The following XRCC6 variants were observed in gnomAD, a reference collection of about 807,000 sequenced individuals.
XRCC6 encodes X-ray repair cross complementing 6, also known as DNA repair protein Ku70.
XRCC6 carries 5 observed loss-of-function variants against 65.7 expected under a neutral mutation model. The ratio of observed to expected loss-of-function variants is 0.08; its 90% CI spans 0.04 to 0.16. XRCC6 has a LOEUF of 0.16. Among genes scored for constraint, XRCC6 ranks in the 10% least tolerant of loss-of-function variants. XRCC6 has a pLI of 1.00. For missense variants in XRCC6, 447 were observed against 738.1 expected (o/e 0.61, Z 4.57); for synonymous variants, 270 against 270.6 (o/e 1.00, Z 0.02).
chr22:41,653,078 G>T (rs962181020), intron 8 of XRCC6, among the ~76,000 whole-genome samples: 7 of 151,966 alleles, frequency 4.6e-5, no homozygotes, highest in Admixed American at 4.6e-4. Flanking sequence ...TCAGCTGTGG[G>T]GTCCTCCAAC....
rs28741112 is a variant in XRCC6 at position 41,627,942 on chromosome 22, G to C, written c.83-176G>C. 7.1e-4 allele frequency among the ~76,000 whole-genome samples: 108 copies of C among 152,224 alleles called. 1 individual carries two copies. The highest frequency in any genetic ancestry group is 2.6e-3 in the African/African-American group (108 of 41,528). On this transcript the variant is annotated intron_variant, in intron 2 of 12. Transcript: ENST00000360079. Reference sequence around the variant, plus strand: ...GTTGTAATTGGGAGGGAATGTAAGAGGGATTTCTGGGGTGTCTGGCAAGAC... The same window carrying C: ...GTTGTAATTGGGAGGGAATGTAAGACGGATTTCTGGGGTGTCTGGCAAGAC...
At position 41,624,723 on chromosome 22, in the gene XRCC6, C is replaced by T. The variant is rs192086585; in HGVS notation, c.82+2637C>T. Among the ~76,000 whole-genome samples the T allele has an allele frequency of 4.8e-3, 714 of 149,478 alleles. 3 individuals are homozygous for T. Among genetic ancestry groups the T allele is most frequent in the African/African-American group, 0.017 (679 of 40,506 alleles). ...TAATAAAATAAAAAATAAGGCCGGG[C>T]GCGGTGGCTCACACCTGTAATCCCA... is the stretch of plus-strand genomic sequence containing the variant. On this transcript the variant is annotated intron_variant, in intron 2 of 12. Coordinates refer to ENST00000360079, the MANE Select transcript of XRCC6 (RefSeq NM_001469.5).
chr22:41,644,138 C>A (rs1188185735), intron 6 of XRCC6, among the ~76,000 whole-genome samples: 1 of 152,132 alleles, frequency 6.6e-6, no homozygotes, highest in East Asian at 1.9e-4. Flanking sequence ...CAGAGCAAGA[C>A]CCTGTCTCCA....
intron 9 of XRCC6, 89 bp from the exon 10 acceptor site, chr22:41,656,814 C>T (rs1388915759): frequency 1.9e-6 from 3 of 1,585,600 alleles, no homozygotes; most frequent in Non-Finnish European, 2.6e-6. Context: ...CCCAGCACCA[C>T]AGGACATAAA....
intron 6 of XRCC6, among the ~76,000 whole-genome samples, chr22:41,643,240 C>T (rs1191583346): frequency 6.6e-6 from 1 of 152,002 alleles, no homozygotes; most frequent in African/African-American, 2.4e-5. Flanking sequence ...GAAACCCCGT[C>T]TCTACTAAAA....
chr22:41,643,424 CAAAA>C, intron 6 of XRCC6, among the ~76,000 whole-genome samples: 1 of 151,354 alleles, frequency 6.6e-6, no homozygotes, highest in South Asian at 2.1e-4. Context: ...CAAAAGAAAA[CAAAA>C]AAGTGTTAAA....
chr22:41,661,307 C>G, intron 11 of XRCC6, 24 bp from the exon 12 acceptor site: 1 of 1,604,762 alleles, frequency 6.2e-7, no homozygotes, highest in Non-Finnish European at 8.5e-7. Context: ...CACCAGGCCA[C>G]TCTTCTGTGT....
chr22:41,627,362 G>A (rs2067689413), intron 2 of XRCC6, among the ~76,000 whole-genome samples: 1 of 152,036 alleles, frequency 6.6e-6, no homozygotes, highest in South Asian at 2.1e-4. Context: ...TATAATCCTA[G>A]CACTTTGGGA....
At chr22:41,655,862 C>T (rs2068040142) in intron 9 of XRCC6, among the ~76,000 whole-genome samples, 1 of 151,710 alleles carries the variant, frequency 6.6e-6, no homozygotes, top group Non-Finnish European at 1.5e-5. Context: ...CCATGTCCGG[C>T]CCAAGCTAGT....
At chr22:41,649,747 C>T (rs942251967) in intron 7 of XRCC6, among the ~76,000 whole-genome samples, 12 of 151,188 alleles carry the variant, frequency 7.9e-5, no homozygotes, top group East Asian at 2.0e-4. Context: ...CCCAGCTACT[C>T]GTGGGGCTGA....
chr22:41,626,056 T>G (rs1464171688), intron 2 of XRCC6, among the ~76,000 whole-genome samples: 1 of 151,900 alleles, frequency 6.6e-6, no homozygotes, highest in Non-Finnish European at 1.5e-5. Context: ...TCCAGGATGG[T>G]CTCAATCTCT....
chr22:41,633,286 G>A (rs1388572978), intron 3 of XRCC6, among the ~76,000 whole-genome samples: 5 of 152,166 alleles, frequency 3.3e-5, no homozygotes, highest in African/African-American at 7.2e-5. Flanking sequence ...TGTCTAGAAT[G>A]GGGACCAAGA....
At chr22:41,626,645 T>G (rs1322246027) in intron 2 of XRCC6, among the ~76,000 whole-genome samples, 1 of 146,866 alleles carries the variant, frequency 6.8e-6, no homozygotes, top group South Asian at 2.2e-4. Context: ...TTTTTTTTGT[T>G]TTTTTTTTTT....
At chr22:41,642,906 C>A (rs541518222) in intron 6 of XRCC6, among the ~76,000 whole-genome samples, 64 of 152,272 alleles carry the variant, frequency 4.2e-4, no homozygotes, top group African/African-American at 1.5e-3. Flanking sequence ...CATGCATTTC[C>A]AAGTTGATCT....
chr22:41,630,725 C>A (rs2067733030), intron 3 of XRCC6, among the ~76,000 whole-genome samples: 1 of 152,040 alleles, frequency 6.6e-6, no homozygotes, highest in Admixed American at 6.6e-5. Flanking sequence ...TGCCTTCAAT[C>A]CATTTAACCC....
At chr22:41,637,929 G>C (rs1250422930) in intron 6 of XRCC6, 138 bp downstream of exon 6, 2 of 765,766 alleles carry the variant, frequency 2.6e-6, no homozygotes, top group East Asian at 3.6e-5. Context: ...GTTGAGACCA[G>C]CTTGGGCAAC....
intron 6 of XRCC6, among the ~76,000 whole-genome samples, chr22:41,640,645 T>C (rs2067865861): frequency 6.6e-6 from 1 of 152,230 alleles, no homozygotes; most frequent in African/African-American, 2.4e-5. Flanking sequence ...AAGAAATTTT[T>C]TTGAGGAGAC....
rs1555906701 is a variant in XRCC6 at position 41,649,139 on chromosome 22, A to ATAT, written c.961-1584_961-1583insTAT. The stretch of plus-strand genomic sequence containing the variant: ...GGGAAGAGAGTACAAAAAAAAAAAA[A>ATAT]ATATATATATATATATATATATATG... On this transcript the variant is annotated intron_variant, in intron 7 of 12. Coordinates refer to ENST00000360079, the MANE Select transcript of XRCC6 (RefSeq NM_001469.5). Among the ~76,000 whole-genome samples, 258 of 88,710 alleles carry ATAT rather than the reference A, an allele frequency of 2.9e-3. 1 individual carries two copies. Among genetic ancestry groups the ATAT allele is most frequent in the East Asian group, 0.011 (38 of 3,392 alleles). 58.2% of individuals were successfully genotyped at this position (88,710 alleles called of 152,430 possible). A position where few individuals can be genotyped will look rare whatever the true frequency, so the allele number is the denominator to read the frequency against.
At chr22:41,657,153 G>A in intron 10 of XRCC6, 121 bp downstream of exon 10, 3 of 1,219,374 alleles carry the variant, frequency 2.5e-6, no homozygotes, top group Non-Finnish European at 3.3e-6. Context: ...ATTACTACTT[G>A]TTATTAATAG....
Sources: allele counts gnomAD v4.1 joint callset (sites outside exome capture counted in the v4.1 genomes callset), GRCh38; gene constraint gnomAD v4.1.1; transcripts MANE v1.5; gene names NCBI Gene and HGNC (gene_info 2026-07-23, HGNC 2026-07-21).